The following PCDHGB2 variants were observed in gnomAD, a reference collection of about 807,000 sequenced individuals.
PCDHGB2 encodes the protein protocadherin gamma subfamily B, 2.
In PCDHGB2, 55 loss-of-function variants were observed where a neutral mutation model predicts 59.3. The ratio of observed to expected loss-of-function variants is 0.93; its 90% CI spans 0.75 to 1.16. The LOEUF is 1.16. Among genes scored for constraint, PCDHGB2 ranks in the 50% most tolerant of loss-of-function variants. PCDHGB2 has a pLI of 0.00. For synonymous variants in PCDHGB2, 516 were observed against 512.0 expected (o/e 1.01, Z -0.11); for missense variants, 1,228 against 1,198.5 (o/e 1.02, Z -0.36).
intron 1 of PCDHGB2, chr5:141,384,519 G>A (rs769300299): frequency 1.9e-6 from 3 of 1,614,220 alleles, no homozygotes; most frequent in Non-Finnish European, 2.5e-6. Flanking sequence ...GCGGGGACCC[G>A]CCTCTCAGCA....
chr5:141,511,182 C>A lies in PCDHGB2; in HGVS notation c.*9C>A. ...AGAAGGAGAAGAAGTAACATGGAGG[C>A]CAGGCCAAGAGCCACAGGGCGGCCT... is the stretch of plus-strand genomic sequence containing the variant. On this transcript the variant is annotated 3_prime_UTR_variant, in exon 4 of 4. Transcript: ENST00000522605. 6.2e-7 allele frequency: 1 copy of A among 1,614,022 alleles called. No homozygotes were observed. Among genetic ancestry groups the A allele is most frequent in the Non-Finnish European group, 8.5e-7 (1 of 1,179,946 alleles).
chr5:141,384,788 G>C (rs765446040), intron 1 of PCDHGB2: 21 of 1,613,120 alleles, frequency 1.3e-5, no homozygotes, highest in African/African-American at 2.7e-5. Context: ...CGCACGGCTC[G>C]GGCCCTGCTG....
chr5:141,432,706 C>G lies in PCDHGB2; in HGVS notation c.2422-62101C>G, dbSNP rs761752571. The G allele has an allele frequency of 6.2e-7, 1 of 1,613,988 alleles. No homozygotes were observed. Among genetic ancestry groups the G allele is most frequent in the African/African-American group, 1.3e-5 (1 of 75,072 alleles). Reference sequence around the variant, plus strand: ...GCCTCGTAGTGGCCGTCCAGGACCACGGCCAGCCCCCTCTCTCCGCCACTG... The same window carrying G: ...GCCTCGTAGTGGCCGTCCAGGACCAGGGCCAGCCCCCTCTCTCCGCCACTG... On this transcript the variant is annotated intron_variant, in intron 1 of 3. Transcript: ENST00000522605. The surrounding 1 kb of genome is among the most constrained non-coding windows in gnomAD (Gnocchi z 6.0).
At chr5:141,374,040 T>C (rs749671725) in intron 1 of PCDHGB2, 1 of 1,458,040 alleles carries the variant, frequency 6.9e-7, no homozygotes, top group Admixed American at 2.7e-5. Flanking sequence ...TGCAGATCTG[T>C]TCTTCCTCTT....
intron 1 of PCDHGB2, chr5:141,400,341 C>A (rs754175136): frequency 6.2e-7 from 1 of 1,614,070 alleles, no homozygotes; most frequent in African/African-American, 1.3e-5. Flanking sequence ...TTCCCCCCAA[C>A]TACAGTCAGG....
intron 1 of PCDHGB2, chr5:141,366,897 T>C (rs1764856228): frequency 6.6e-6 from 8 of 1,211,018 alleles, no homozygotes; most frequent in Non-Finnish European, 9.0e-6. Context: ...ATATAATTCA[T>C]GCTTTCTCCA....
chr5:141,375,791 G>C (rs374657173), intron 1 of PCDHGB2: 1 of 1,614,232 alleles, frequency 6.2e-7, no homozygotes, highest in Non-Finnish European at 8.5e-7. Flanking sequence ...CCTCCCCACA[G>C]ACGGTTCCAC....
At chr5:141,415,695 T>C (rs1284418994) in intron 1 of PCDHGB2, 1 of 1,537,350 alleles carries the variant, frequency 6.5e-7, no homozygotes, top group South Asian at 1.2e-5. Context: ...TGGTGGAAAG[T>C]GTAAATGCTA....
At chr5:141,392,809 C>T in intron 1 of PCDHGB2, 1 of 1,578,772 alleles carries the variant, frequency 6.3e-7, no homozygotes, top group African/African-American at 1.4e-5. Flanking sequence ...TGCAGCAAAA[C>T]AACAATGGCC....
chr5:141,393,399 C>G, intron 1 of PCDHGB2: 1 of 1,614,028 alleles, frequency 6.2e-7, no homozygotes, highest in Non-Finnish European at 8.5e-7. Flanking sequence ...AGAGCTGGTG[C>G]TGGAGCGCGC....
At chr5:141,457,448 A>G (rs1296079061) in intron 1 of PCDHGB2, among the ~76,000 whole-genome samples, 2 of 152,196 alleles carry the variant, frequency 1.3e-5, no homozygotes, top group Non-Finnish European at 2.9e-5. Flanking sequence ...GCAGAAGATC[A>G]CCACTTGATT....
intron 1 of PCDHGB2, chr5:141,364,386 T>A (rs543592741): frequency 6.3e-7 from 1 of 1,592,172 alleles, no homozygotes; most frequent in South Asian, 1.1e-5. Context: ...CCCTTCATGC[T>A]CCTGGGGACG....
At chr5:141,484,790 A>T (rs1562101198) in intron 1 of PCDHGB2, among the ~76,000 whole-genome samples, 1 of 152,076 alleles carries the variant, frequency 6.6e-6, no homozygotes, top group Admixed American at 6.6e-5. Flanking sequence ...CACAGAGATA[A>T]CAACCCGTGG....
chr5:141,441,517 G>A (rs1316654534), intron 1 of PCDHGB2: 1 of 172,138 alleles, frequency 5.8e-6, no homozygotes, highest in South Asian at 1.3e-4. Flanking sequence ...CGTCGTCCAC[G>A]TGGCCAAGAA....
At position 141,360,388 on chromosome 5, in the gene PCDHGB2, C is replaced by G; in HGVS notation, c.253C>G (p.Leu85Val). ...FTVNPESGDL[L>V]VSDRIDREQI... The stretch of plus-strand genomic sequence containing the variant: ...AGTAAACCCAGAAAGCGGAGACTTA[C>G]TTGTGAGTGACAGAATAGACCGAGA... Residue 85 changes from leucine (L) to valine (V), a missense_variant, in exon 1 of 4, where the codon CTT becomes GTT. Transcript: ENST00000522605. 6.2e-7 allele frequency: 1 copy of G among 1,613,908 alleles called. No individual in the cohort carries two copies. Among genetic ancestry groups the G allele is most frequent in the Non-Finnish European group, 8.5e-7 (1 of 1,179,830 alleles).
chr5:141,366,652 C>G lies in PCDHGB2; in HGVS notation c.2421+4096C>G, dbSNP rs559344872. The G allele has an allele frequency of 1.9e-6, 3 of 1,614,282 alleles. No individual in the cohort carries two copies. In the African/African-American group the frequency reaches 4.0e-5, roughly 22 times the overall value. ...GTCACCTGATCTTTCCCCAGCCCAA[C>G]TACGCAGACACGCTCCTTAGTGAAG... On this transcript the variant is annotated intron_variant, in intron 1 of 3. Transcript: ENST00000522605.
intron 1 of PCDHGB2, chr5:141,418,595 G>T (rs1331897624): frequency 5.6e-6 from 9 of 1,613,928 alleles, no homozygotes; most frequent in Non-Finnish European, 7.6e-6. Flanking sequence ...CAGCCAGGAC[G>T]TGTACAGGGT....
At chr5:141,371,667 A>G in intron 1 of PCDHGB2, 1 of 1,614,022 alleles carries the variant, frequency 6.2e-7, no homozygotes, top group Non-Finnish European at 8.5e-7. Flanking sequence ...GATCACAGCT[A>G]CCGACAAAGG....
intron 1 of PCDHGB2, chr5:141,418,768 T>C (rs1216316680): frequency 6.2e-7 from 1 of 1,613,712 alleles, no homozygotes; most frequent in Non-Finnish European, 8.5e-7. Context: ...ACATTCTAAC[T>C]CAGCAGCCTT....
Sources: allele counts gnomAD v4.1 joint callset (sites outside exome capture counted in the v4.1 genomes callset), GRCh38; gene constraint gnomAD v4.1.1; non-coding constraint Gnocchi (gnomAD v3.1); transcripts MANE v1.5; gene names NCBI Gene and HGNC (gene_info 2026-07-23, HGNC 2026-07-21).